NKAIN3: variants seen among roughly 807,000 people sequenced by gnomAD.
The protein encoded by NKAIN3 is sodium/potassium-transporting ATPase subunit beta-1-interacting protein 3.
In NKAIN3, 25 loss-of-function variants were observed where a neutral mutation model predicts 30.2. The observed-to-expected ratio is 0.83, with a 90% CI of 0.60 to 1.16. NKAIN3 has a LOEUF of 1.16. NKAIN3 is among the 50% of genes most tolerant of loss of function. The pLI is 0.00. For missense variants in NKAIN3, 225 were observed against 254.1 expected (o/e 0.89, Z 0.78); for synonymous variants, 91 against 89.6 (o/e 1.02, Z -0.09).
chr8:62,295,637 C>T (rs2129587449), intron 1 of NKAIN3, among the ~76,000 whole-genome samples: 1 of 152,218 alleles, frequency 6.6e-6, no homozygotes, highest in East Asian at 1.9e-4. Flanking sequence ...CCAATTCTTG[C>T]ATATAAAATA....
At chr8:62,817,021 GCCT>G (rs1210025512) in intron 4 of NKAIN3, among the ~76,000 whole-genome samples, 4 of 152,146 alleles carry the variant, frequency 2.6e-5, no homozygotes, top group Non-Finnish European at 5.9e-5. Flanking sequence ...ACAATGGGGA[GCCT>G]CTTTTGGCTC....
At chr8:62,284,725 T>C (rs1266721229) in intron 1 of NKAIN3, among the ~76,000 whole-genome samples, 2 of 152,088 alleles carry the variant, frequency 1.3e-5, no homozygotes, top group African/African-American at 4.8e-5. Flanking sequence ...AACAAAGCAC[T>C]CTGGGTAGAA....
At chr8:62,798,313 T>C (rs539495444) in intron 4 of NKAIN3, among the ~76,000 whole-genome samples, 1 of 152,252 alleles carries the variant, frequency 6.6e-6, no homozygotes, top group African/African-American at 2.4e-5. Context: ...GGCTCATGCC[T>C]GTAATCCCAG....
intron 1 of NKAIN3, among the ~76,000 whole-genome samples, chr8:62,374,439 C>G (rs1053921017): frequency 6.6e-6 from 1 of 152,136 alleles, no homozygotes; most frequent in Non-Finnish European, 1.5e-5. Flanking sequence ...AGGAGTGATG[C>G]AGTACATCAG....
At position 62,581,966 on chromosome 8, in the gene NKAIN3, TTCTATCC is replaced by T. The variant is rs1479716040; in HGVS notation, c.192+2292_192+2298del. ...CTCCCACCTATCCTCCCTCCCTTCC[TTCTATCC>T]TTCCTCCCTCCCTTCCTTCTTTCCT... is the stretch of plus-strand genomic sequence containing the variant. On this transcript the variant is annotated intron_variant, in intron 2 of 6. Coordinates refer to ENST00000623646, the MANE Select transcript of NKAIN3 (RefSeq NM_001304533.3). 4.9e-4 allele frequency among the ~76,000 whole-genome samples: 60 copies of T among 123,562 alleles called. 1 individual carries two copies. Among genetic ancestry groups the T allele is most frequent in the African/African-American group, 1.3e-3 (33 of 26,384 alleles). 81.1% of individuals were successfully genotyped at this position (123,562 alleles called of 152,430 possible).
At chr8:62,458,966 A>G (rs931734257) in intron 1 of NKAIN3, among the ~76,000 whole-genome samples, 1 of 152,166 alleles carries the variant, frequency 6.6e-6, no homozygotes, top group Non-Finnish European at 1.5e-5. Context: ...TGTAGCAGTA[A>G]ACATTCAAAC....
intron 1 of NKAIN3, among the ~76,000 whole-genome samples, chr8:62,291,205 A>AT (rs1292949076): frequency 6.6e-6 from 1 of 151,884 alleles, no homozygotes; most frequent in Admixed American, 6.6e-5. Context: ...GGATTCATGG[A>AT]TTTTTCGAAG....
At chr8:62,708,133 C>G (rs1235431557) in intron 3 of NKAIN3, among the ~76,000 whole-genome samples, 1 of 151,944 alleles carries the variant, frequency 6.6e-6, no homozygotes, top group Non-Finnish European at 1.5e-5. Flanking sequence ...TATGGCCTTA[C>G]AGTATAGTTT....
intron 1 of NKAIN3, among the ~76,000 whole-genome samples, chr8:62,544,226 C>T (rs116840983): frequency 0.074 from 11,251 of 152,094 alleles, 522 homozygotes; most frequent in East Asian, 0.16. Flanking sequence ...TGGTCTGAAA[C>T]CCCTGGGCTC....
At chr8:62,710,023 C>T (rs1842339) in intron 3 of NKAIN3, among the ~76,000 whole-genome samples, 120,787 of 152,042 alleles carry the variant, frequency 0.79, 49,146 homozygotes, top group Non-Finnish European at 0.89. Context: ...CATGTATTTG[C>T]ATTGTTTTGA....
downstream of NKAIN3, among the ~76,000 whole-genome samples, chr8:62,986,334 C>T (rs1824197648): frequency 6.6e-6 from 1 of 152,178 alleles, no homozygotes; most frequent in South Asian, 2.1e-4. Context: ...GTGGATGTTG[C>T]TAGCAGAACA....
intron 1 of NKAIN3, among the ~76,000 whole-genome samples, chr8:62,447,794 A>T (rs1805529762): frequency 6.6e-6 from 1 of 152,046 alleles, no homozygotes; most frequent in Non-Finnish European, 1.5e-5. Flanking sequence ...GACACTGATT[A>T]TATCTATGTA....
chr8:62,937,105 A>C (rs1354937846), intron 5 of NKAIN3, among the ~76,000 whole-genome samples: 1 of 151,312 alleles, frequency 6.6e-6, no homozygotes, highest in Non-Finnish European at 1.5e-5. Context: ...ATGTGTATTC[A>C]GTTGACCAAA....
chr8:62,442,045 C>A (rs1805343091), intron 1 of NKAIN3, among the ~76,000 whole-genome samples: 1 of 151,914 alleles, frequency 6.6e-6, no homozygotes, highest in Non-Finnish European at 1.5e-5. Flanking sequence ...GATATTAAAT[C>A]ATTATATTCT....
At chr8:62,425,425 A>G (rs533528918) in intron 1 of NKAIN3, among the ~76,000 whole-genome samples, 37 of 152,030 alleles carry the variant, frequency 2.4e-4, no homozygotes, top group African/African-American at 7.0e-4. Context: ...GTCTTTTTCA[A>G]TGTACCTGCT....
intron 3 of NKAIN3, among the ~76,000 whole-genome samples, chr8:62,644,738 C>T (rs957178426): frequency 4.6e-5 from 7 of 151,976 alleles, no homozygotes; most frequent in African/African-American, 1.7e-4. Context: ...TTTGATGGTT[C>T]CTCAGAAATT....
chr8:62,988,040 A>G (rs939996179), downstream of NKAIN3, among the ~76,000 whole-genome samples: 4 of 152,218 alleles, frequency 2.6e-5, no homozygotes, highest in African/African-American at 9.6e-5. Context: ...CTGGAATCCA[A>G]TGGGGCAGTC....
At chr8:62,732,324 A>G (rs1815496925) in intron 3 of NKAIN3, among the ~76,000 whole-genome samples, 6 of 151,966 alleles carry the variant, frequency 3.9e-5, no homozygotes. Context: ...TGTTTTAAAT[A>G]TTTCTCATTT....
downstream of NKAIN3, among the ~76,000 whole-genome samples, chr8:62,988,267 G>C (rs1476773639): frequency 2.0e-5 from 3 of 152,192 alleles, no homozygotes; most frequent in African/African-American, 4.8e-5. Context: ...TACCATTCTG[G>C]GGTCTGAAGG....
Sources: allele counts gnomAD v4.1 joint callset (sites outside exome capture counted in the v4.1 genomes callset), GRCh38; gene constraint gnomAD v4.1.1; transcripts MANE v1.5; gene names NCBI Gene and HGNC (gene_info 2026-07-23, HGNC 2026-07-21).